BORCS5: variants seen among roughly 807,000 people sequenced by gnomAD.
BORCS5 encodes the protein BLOC-1 related complex subunit 5.
A neutral mutation model predicts 22.1 loss-of-function variants in BORCS5; 17 were observed. The observed-to-expected ratio is 0.77, with a 90% CI of 0.53 to 1.15. The LOEUF is 1.15. Among genes scored for constraint, BORCS5 ranks in the 50% most tolerant of loss-of-function variants. The probability of loss-of-function intolerance (pLI) is 0.00; values close to 1 mark genes in which losing one functional copy is unlikely to be tolerated. For synonymous variants in BORCS5, 117 were observed against 99.8 expected (o/e 1.17, Z -1.03); for missense variants, 247 against 253.2 (o/e 0.98, Z 0.17).
At chr12:12,361,379 C>T (rs1863283096) in intron 2 of BORCS5, 30 bp downstream of exon 2, 1 of 1,607,510 alleles carries the variant, frequency 6.2e-7, no homozygotes. Flanking sequence ...TTTATCTGAA[C>T]TTGCTGGAGA....
chr12:12,378,853 A>G (rs146036494), intron 2 of BORCS5, among the ~76,000 whole-genome samples: 2 of 151,326 alleles, frequency 1.3e-5, no homozygotes, highest in African/African-American at 4.9e-5. Context: ...CCCAGGCTCA[A>G]GTAATCTTCC....
intron 2 of BORCS5, among the ~76,000 whole-genome samples, chr12:12,414,967 C>G (rs1036116655): frequency 1.5e-5 from 2 of 129,512 alleles, no homozygotes; most frequent in African/African-American, 2.9e-5. Context: ...CGGGCAGAGA[C>G]GCTCCTCACT....
intron 1 of BORCS5, among the ~76,000 whole-genome samples, chr12:12,360,978 C>T (rs1311763482): frequency 1.3e-5 from 2 of 152,092 alleles, no homozygotes; most frequent in African/African-American, 4.8e-5. Flanking sequence ...ACCTCGGCTT[C>T]CCAAAGTGCT....
At chr12:12,448,107 G>A (rs191340073) in intron 3 of BORCS5, among the ~76,000 whole-genome samples, 48 of 152,330 alleles carry the variant, frequency 3.2e-4, no homozygotes, top group African/African-American at 1.1e-3. Flanking sequence ...CACAGTTGTC[G>A]AAGTGGAGCT....
At chr12:12,457,424 C>A (rs1189176579) in intron 3 of BORCS5, among the ~76,000 whole-genome samples, 1 of 152,250 alleles carries the variant, frequency 6.6e-6, no homozygotes, top group Non-Finnish European at 1.5e-5. Context: ...AATCCCAGCA[C>A]TTTGGGAGGC....
chr12:12,371,323 T>C (rs2136029198), intron 2 of BORCS5, among the ~76,000 whole-genome samples: 1 of 152,152 alleles, frequency 6.6e-6, no homozygotes, highest in East Asian at 1.9e-4. Context: ...AACACGATCT[T>C]GCCCTTTCAC....
At chr12:12,412,925 TATTGATAA>T (rs1941779705) in intron 2 of BORCS5, among the ~76,000 whole-genome samples, 2 of 110,534 alleles carry the variant, frequency 1.8e-5, no homozygotes, top group Non-Finnish European at 2.0e-5. Context: ...TTTTTTTTTT[TATTGATAA>T]TTCTTGGGTG....
intron 2 of BORCS5, among the ~76,000 whole-genome samples, chr12:12,419,958 T>A (rs1396583097): frequency 1.3e-5 from 2 of 152,212 alleles, no homozygotes; most frequent in Non-Finnish European, 2.9e-5. Flanking sequence ...CTTTGTCTGA[T>A]GGATAGATTG....
chr12:12,411,553 T>C (rs1407613987), intron 2 of BORCS5, among the ~76,000 whole-genome samples: 1 of 152,188 alleles, frequency 6.6e-6, no homozygotes, highest in Non-Finnish European at 1.5e-5. Flanking sequence ...TTCTGCATTT[T>C]GTGGGCTGCC....
At chr12:12,458,976 A>G (rs1038732115) in intron 3 of BORCS5, among the ~76,000 whole-genome samples, 5 of 151,884 alleles carry the variant, frequency 3.3e-5, no homozygotes, top group Non-Finnish European at 5.9e-5. Flanking sequence ...CGTCTCAAAA[A>G]AGAATTAAAA....
At chr12:12,427,172 C>CTTTTTTTTTT (rs869191667) in intron 2 of BORCS5, among the ~76,000 whole-genome samples, 10 of 84,448 alleles carry the variant, frequency 1.2e-4, no homozygotes, top group South Asian at 4.0e-4. Context: ...TCTTTCTTTT[C>CTTTTTTTTTT]TTTTTTTTTT....
At chr12:12,408,068 G>T (rs1013863939) in intron 2 of BORCS5, among the ~76,000 whole-genome samples, 1 of 152,114 alleles carries the variant, frequency 6.6e-6, no homozygotes, top group African/African-American at 2.4e-5. Flanking sequence ...GTCCTTTTGT[G>T]TCTGGCATAC....
Position 12,372,385 on chromosome 12 carries a change from C to T in BORCS5, c.202+11036C>T, listed in dbSNP as rs376230105. 2.1e-4 allele frequency among the ~76,000 whole-genome samples: 32 copies of T among 152,144 alleles called. 1 individual carries two copies. In the East Asian group the frequency reaches 5.8e-3, roughly 28 times the overall value. The stretch of plus-strand genomic sequence containing the variant: ...TTAGAGACAGGATCTCGCTCTGTTG[C>T]CCAGGCTAGAGTGCAGTGGCACCAC... On this transcript the variant is annotated intron_variant, in intron 2 of 3. Coordinates refer to ENST00000314565, the MANE Select transcript of BORCS5 (RefSeq NM_058169.6).
In BORCS5 at chr12:12,436,557, T is replaced by C. The variant is rs115340288; in HGVS notation, c.360+772T>C. Reference sequence around the variant, plus strand: ...ATGTACTGTAATATCAAGGAAATGTTAGGAGCTGTTTACTGGAGAAACCAC... The same window carrying C: ...ATGTACTGTAATATCAAGGAAATGTCAGGAGCTGTTTACTGGAGAAACCAC... On this transcript the variant is annotated intron_variant, in intron 3 of 3. Coordinates refer to ENST00000314565, the MANE Select transcript of BORCS5 (RefSeq NM_058169.6). 6.9e-3 allele frequency among the ~76,000 whole-genome samples: 1,053 copies of C among 152,338 alleles called. 13 individuals carry two copies. The highest frequency in any genetic ancestry group is 0.024 in the African/African-American group (997 of 41,586).
intron 2 of BORCS5, among the ~76,000 whole-genome samples, chr12:12,401,573 C>CA (rs1181595100): frequency 6.6e-6 from 1 of 151,654 alleles, no homozygotes; most frequent in African/African-American, 2.4e-5. Context: ...ACTTGGAAAA[C>CA]AAAATGACAA....
At chr12:12,428,559 CG>C (rs1358743184) in intron 2 of BORCS5, among the ~76,000 whole-genome samples, 1 of 111,538 alleles carries the variant, frequency 9.0e-6, no homozygotes, top group Non-Finnish European at 1.9e-5. Context: ...GGTGCATCCC[CG>C]TATTAAACTA....
intron 2 of BORCS5, among the ~76,000 whole-genome samples, chr12:12,422,995 TTTTTTA>T (rs1942178875): frequency 6.6e-6 from 1 of 151,176 alleles, no homozygotes; most frequent in South Asian, 2.1e-4. Flanking sequence ...TTTTTTTTTA[TTTTTTA>T]TTTATTTTTT....
chr12:12,384,450 A>G (rs1378774398), intron 2 of BORCS5, among the ~76,000 whole-genome samples: 1 of 148,840 alleles, frequency 6.7e-6, no homozygotes, highest in African/African-American at 2.5e-5. Flanking sequence ...ACTCAGAGGC[A>G]ATTTCTATTG....
At chr12:12,370,099 TACACACACACACACAC>T (rs56408181) in intron 2 of BORCS5, among the ~76,000 whole-genome samples, 5 of 145,298 alleles carry the variant, frequency 3.4e-5, no homozygotes, top group East Asian at 2.0e-4. Flanking sequence ...AGTGGTTTTA[TACACACACACACACAC>T]ACACACACAC....
Sources: gnomAD v4.1 joint callset for allele counts (sites outside exome capture counted in the v4.1 genomes callset) on GRCh38, gnomAD v4.1.1 for gene constraint, MANE v1.5 for transcripts, NCBI Gene and HGNC (gene_info 2026-07-23, HGNC 2026-07-21) for gene names.